GYPE: variants seen among roughly 807,000 people sequenced by gnomAD.
GYPE encodes glycophorin E (MNS blood group), also known as glycophorin-E.
Under a neutral mutation model 11.6 loss-of-function variants are expected in GYPE, and 8 were observed. That is an observed-to-expected ratio of 0.69 (90% CI 0.41 to 1.25). GYPE has a LOEUF of 1.25. Among genes scored for constraint, GYPE ranks in the 50% most tolerant of loss-of-function variants. The pLI is 0.01. For synonymous variants in GYPE, 28 were observed against 29.6 expected (o/e 0.94, Z 0.18); for missense variants, 90 against 92.8 (o/e 0.97, Z 0.12).
At chr4:143,903,823 C>G (rs1044660398) in intron 1 of GYPE, among the ~76,000 whole-genome samples, 9 of 151,626 alleles carry the variant, frequency 5.9e-5, no homozygotes, top group Non-Finnish European at 1.5e-5. Flanking sequence ...AAAATCATTT[C>G]TTTGCCAGGA....
Position 143,870,924 on chromosome 4 carries a change from C to T in GYPE, c.*1338G>A, listed in dbSNP as rs1313471843. The T allele has an allele frequency of 6.6e-5, 10 of 152,018 alleles. No homozygotes were observed. The highest frequency in any genetic ancestry group is 6.6e-4 in the Admixed American group (10 of 15,250). The allele number at this position is 152,018 out of a possible 1,614,324, so 9.4% of individuals were successfully genotyped here. On this transcript the variant is annotated 3_prime_UTR_variant, in exon 4 of 4. Coordinates refer to ENST00000358615, the MANE Select transcript of GYPE (RefSeq NM_198682.3). ...CAGTTTTGCATGGCTGGGAAGGTCT[C>T]AGGATACTTACAATCATGACCAAAG...
chr4:143,896,720 C>T (rs1324109352), intron 1 of GYPE, among the ~76,000 whole-genome samples: 54 of 152,172 alleles, frequency 3.5e-4, no homozygotes, highest in South Asian at 1.2e-3. Context: ...ATGTTTATTG[C>T]GGCACTATTC....
chr4:143,892,434 C>A (rs1744445172), intron 1 of GYPE, among the ~76,000 whole-genome samples: 1 of 151,296 alleles, frequency 6.6e-6, no homozygotes, highest in Non-Finnish European at 1.5e-5. Context: ...CCTGCTTTCT[C>A]TTGTGGGCAT....
chr4:143,873,928 G>A (rs199598707), intron 3 of GYPE, among the ~76,000 whole-genome samples: 2 of 151,944 alleles, frequency 1.3e-5, no homozygotes, highest in East Asian at 3.9e-4. Flanking sequence ...GACAATGACA[G>A]TTCTCTGTAA....
chr4:143,891,405 T>G lies in GYPE; in HGVS notation c.38-10896A>C, dbSNP rs1241310253. On this transcript the variant is annotated intron_variant, in intron 1 of 3. Transcript: ENST00000358615. ...GTGCAGTGGCCTGATCTCGGCTGAC[T>G]GCAAGCTCCGCCTCCCGGGTTCACT... Among the ~76,000 whole-genome samples the G allele has an allele frequency of 2.7e-5, 4 of 149,456 alleles. No individual in the cohort carries two copies. The Admixed American group carries it at 2.7e-4, about 10-fold the overall frequency.
rs771437554 is a variant in GYPE, at chr4:143,876,574, CA to C, written c.*9+171del. On this transcript the variant is annotated intron_variant, in intron 3 of 3. Transcript: ENST00000358615. ...GAGGCTCCCTTTAATTGGGCAAATG[CA>C]AAAAATAAATTATGCTAGAGAAACA... 1.0e-3 allele frequency among the ~76,000 whole-genome samples: 157 copies of C among 151,828 alleles called. 1 individual carries two copies. The highest frequency in any genetic ancestry group is 1.9e-3 in the Non-Finnish European group (126 of 67,976).
At chr4:143,891,649 T>A (rs1200776441) in intron 1 of GYPE, among the ~76,000 whole-genome samples, 3 of 152,068 alleles carry the variant, frequency 2.0e-5, no homozygotes, top group Non-Finnish European at 4.4e-5. Context: ...TTTTAAGTAC[T>A]TAAAAAAGTA....
At chr4:143,874,206 G>T (rs1578950193) in intron 3 of GYPE, among the ~76,000 whole-genome samples, 1 of 151,928 alleles carries the variant, frequency 6.6e-6, no homozygotes, top group East Asian at 1.9e-4. Context: ...TAAGAAGCTA[G>T]AAAAAAAGTG....
chr4:143,890,407 G>A lies in GYPE; in HGVS notation c.38-9898C>T, dbSNP rs73853570. Among the ~76,000 whole-genome samples, 1,483 of 152,316 alleles carry A rather than the reference G, an allele frequency of 9.7e-3. 21 individuals are homozygous for A. The highest frequency in any genetic ancestry group is 0.033 in the African/African-American group (1,384 of 41,548). The stretch of plus-strand genomic sequence containing the variant: ...CACACACATTAAATTTGGGCTTAAG[G>A]AAGTTGGGCTGAATGAAAATAATTT... On this transcript the variant is annotated intron_variant, in intron 1 of 3. Coordinates refer to ENST00000358615, the MANE Select transcript of GYPE (RefSeq NM_198682.3).
chr4:143,890,160 C>T (rs1163263165), intron 1 of GYPE, among the ~76,000 whole-genome samples: 1 of 152,188 alleles, frequency 6.6e-6, no homozygotes, highest in Non-Finnish European at 1.5e-5. Flanking sequence ...GTACCTCTAA[C>T]ATAGCATTGT....
intron 1 of GYPE, among the ~76,000 whole-genome samples, chr4:143,901,485 C>G (rs1264285829): frequency 5.9e-5 from 9 of 151,372 alleles, no homozygotes; most frequent in East Asian, 3.9e-4. Context: ...TTTTTTTCAA[C>G]ATTTTTGCTT....
At chr4:143,890,876 G>A (rs182118261) in intron 1 of GYPE, among the ~76,000 whole-genome samples, 1 of 151,374 alleles carries the variant, frequency 6.6e-6, no homozygotes, top group Non-Finnish European at 1.5e-5. Context: ...ACTTTCCAAG[G>A]ATAAGCTCAT....
chr4:143,897,204 C>G (rs1328642053), intron 1 of GYPE, among the ~76,000 whole-genome samples: 3 of 151,962 alleles, frequency 2.0e-5, no homozygotes, highest in African/African-American at 4.8e-5. Flanking sequence ...TGGGTCGTGC[C>G]TGTAACCCCA....
At chr4:143,892,946 A>G (rs1578970980) in intron 1 of GYPE, among the ~76,000 whole-genome samples, 1 of 149,412 alleles carries the variant, frequency 6.7e-6, no homozygotes, top group African/African-American at 2.5e-5. Flanking sequence ...TGGGAGTCTA[A>G]GTCTCTTTGT....
At chr4:143,902,585 CTT>C (rs1213932058) in intron 1 of GYPE, among the ~76,000 whole-genome samples, 6 of 151,632 alleles carry the variant, frequency 4.0e-5, no homozygotes, top group African/African-American at 1.2e-4. Flanking sequence ...TCCATCCTCT[CTT>C]CTTTCCTTCC....
intron 1 of GYPE, among the ~76,000 whole-genome samples, chr4:143,890,805 G>A (rs1304517135): frequency 6.6e-6 from 1 of 151,950 alleles, no homozygotes; most frequent in African/African-American, 2.4e-5. Context: ...TTAGGGTTTT[G>A]TTTTAGAGCC....
chr4:143,875,994 A>C (rs1270199816), intron 3 of GYPE, among the ~76,000 whole-genome samples: 2 of 152,054 alleles, frequency 1.3e-5, no homozygotes, highest in Non-Finnish European at 2.9e-5. Context: ...AAAATAAAAA[A>C]AGCATTAATG....
rs183414131 is a variant in GYPE, at chr4:143,872,317, A to G, written c.*10-65T>C. 5.9e-5 allele frequency: 9 copies of G among 152,768 alleles called. No homozygotes were observed. In the East Asian group the frequency reaches 1.7e-3, roughly 29 times the overall value. The allele number at this position is 152,768 out of a possible 1,614,324, so 9.5% of individuals were successfully genotyped here. On this transcript the variant is annotated intron_variant, in intron 3 of 3. Transcript: ENST00000358615. ...ATAAGATTGATGTTTTGAAATTTTA[A>G]TAACAAAAACAACCAGAAAGTTGCC...
At chr4:143,879,762 T>G (rs2590019) in intron 2 of GYPE, among the ~76,000 whole-genome samples, 51 of 145,752 alleles carry the variant, frequency 3.5e-4, no homozygotes, top group Non-Finnish European at 6.3e-4. Flanking sequence ...GGACATAAAG[T>G]GTATCATGAA....
Sources: allele counts gnomAD v4.1 joint callset (sites outside exome capture counted in the v4.1 genomes callset), GRCh38; gene constraint gnomAD v4.1.1; transcripts MANE v1.5; gene names NCBI Gene and HGNC (gene_info 2026-07-23, HGNC 2026-07-21).